KHDRBS2: variants seen among roughly 807,000 people sequenced by gnomAD.
KHDRBS2 encodes the protein KH RNA binding domain containing, signal transduction associated 2, also known as KH domain-containing, RNA-binding, signal transduction-associated protein 2.
A neutral mutation model predicts 44.3 loss-of-function variants in KHDRBS2; 26 were observed. The ratio of observed to expected loss-of-function variants is 0.59; its 90% confidence interval spans 0.43 to 0.81. KHDRBS2 has a LOEUF of 0.81. KHDRBS2 is among the 40% of genes least tolerant of loss of function. KHDRBS2 has a pLI of 0.00. For missense variants in KHDRBS2, 476 were observed against 433.1 expected, an observed-to-expected ratio of 1.10 and a Z score of -0.88; for synonymous variants, 194 against 151.1, an observed-to-expected ratio of 1.28 and a Z score of -2.08.
At chr6:61,565,613 G>A in the KHDRBS2 span, among the ~76,000 whole-genome samples, 1 of 152,032 alleles carries the variant, frequency 6.6e-6, no homozygotes, top group African/African-American at 2.4e-5. Flanking sequence ...TCCACAATGA[G>A]ATATTATTTT....
At chr6:62,216,483 A>G (rs1378857788) in intron 1 of KHDRBS2, among the ~76,000 whole-genome samples, 1 of 151,622 alleles carries the variant, frequency 6.6e-6, no homozygotes, top group East Asian at 1.9e-4. Flanking sequence ...ACCAATAGCT[A>G]CCTAAAGGTT....
At chr6:61,778,122 A>G (rs1562159181) in intron 6 of KHDRBS2, among the ~76,000 whole-genome samples, 4 of 152,278 alleles carry the variant, frequency 2.6e-5, no homozygotes, top group Admixed American at 2.0e-4. Context: ...TTTTAATCTT[A>G]TATCAGCCTT....
intron 4 of KHDRBS2, among the ~76,000 whole-genome samples, chr6:61,910,774 T>C (rs749851227): frequency 3.9e-5 from 6 of 152,204 alleles, no homozygotes; most frequent in African/African-American, 7.2e-5. Flanking sequence ...AAATTCAGGA[T>C]AGTAGATAAA....
chr6:62,029,674 C>G (rs1783990349), intron 3 of KHDRBS2, among the ~76,000 whole-genome samples: 1 of 151,594 alleles, frequency 6.6e-6, no homozygotes, highest in South Asian at 2.1e-4. Context: ...AAAGGAGAAA[C>G]AGATCAGAAA....
chr6:62,230,468 C>CT (rs1414756905), intron 1 of KHDRBS2, among the ~76,000 whole-genome samples: 1 of 152,102 alleles, frequency 6.6e-6, no homozygotes, highest in Admixed American at 6.6e-5. Context: ...GACCTTCCAT[C>CT]TTTTTAAACA....
At chr6:61,619,449 GTTT>G in the KHDRBS2 span, among the ~76,000 whole-genome samples, 2 of 151,752 alleles carry the variant, frequency 1.3e-5, no homozygotes, top group Admixed American at 6.6e-5. Context: ...TTGTTTGTTT[GTTT>G]GTTTGTTTGT....
chr6:61,666,987 C>CT, the KHDRBS2 span, among the ~76,000 whole-genome samples: 1 of 96,470 alleles, frequency 1.0e-5, no homozygotes, highest in South Asian at 3.8e-4. Context: ...CACAAACCTT[C>CT]TGGGTTTTTT....
the KHDRBS2 span, among the ~76,000 whole-genome samples, chr6:61,596,194 A>G: frequency 1.3e-5 from 2 of 152,184 alleles, no homozygotes; most frequent in African/African-American, 2.4e-5. Context: ...GCTTCAGGGG[A>G]GCCCAGCAGG....
intron 6 of KHDRBS2, among the ~76,000 whole-genome samples, chr6:61,824,619 G>GGAA (rs1258850380): frequency 2.0e-5 from 3 of 152,054 alleles, no homozygotes; most frequent in African/African-American, 7.2e-5. Context: ...ATTGGAACAT[G>GGAA]GAAAAACATG....
intron 6 of KHDRBS2, among the ~76,000 whole-genome samples, chr6:61,891,563 T>A (rs1801845815): frequency 6.6e-6 from 1 of 151,958 alleles, no homozygotes; most frequent in African/African-American, 2.4e-5. Context: ...TGTCTGGTCC[T>A]GGACTGTTTT....
chr6:61,922,814 C>T (rs1309451309), intron 4 of KHDRBS2, among the ~76,000 whole-genome samples: 1 of 152,058 alleles, frequency 6.6e-6, no homozygotes, highest in African/African-American at 2.4e-5. Context: ...AACTTAATGG[C>T]ATTCCAGAAT....
chr6:62,234,196 A>C (rs2150161465), intron 1 of KHDRBS2, among the ~76,000 whole-genome samples: 1 of 152,252 alleles, frequency 6.6e-6, no homozygotes, highest in Admixed American at 6.5e-5. Flanking sequence ...TCAAGGTAAA[A>C]ACATCTCCCA....
chr6:62,263,280 T>C (rs536928112), intron 1 of KHDRBS2, among the ~76,000 whole-genome samples: 97 of 150,918 alleles, frequency 6.4e-4, no homozygotes, highest in African/African-American at 2.2e-3. Flanking sequence ...CACCAAAGAA[T>C]ATGGAATATT....
chr6:61,566,402 C>A, the KHDRBS2 span, among the ~76,000 whole-genome samples: 1 of 152,070 alleles, frequency 6.6e-6, no homozygotes, highest in African/African-American at 2.4e-5. Context: ...TTGGAATGTT[C>A]CCAACACAAA....
intron 1 of KHDRBS2, 27 bp from the exon 2 acceptor site, chr6:62,177,339 A>T (rs564416866): frequency 6.4e-7 from 1 of 1,553,352 alleles, no homozygotes; most frequent in East Asian, 2.3e-5. Context: ...AGAAGAAAAC[A>T]AGTGAAATGA....
At chr6:61,613,498 T>G in the KHDRBS2 span, among the ~76,000 whole-genome samples, 14 of 152,162 alleles carry the variant, frequency 9.2e-5, no homozygotes, top group Admixed American at 1.3e-4. Context: ...CACATCCTAA[T>G]TATTATAGGA....
At chr6:62,101,617 C>T (rs79457358) in intron 2 of KHDRBS2, among the ~76,000 whole-genome samples, 3 of 152,156 alleles carry the variant, frequency 2.0e-5, no homozygotes, top group African/African-American at 7.2e-5. Flanking sequence ...GTAGAGCTAG[C>T]TGGATATACT....
chr6:61,548,063 T>C, the KHDRBS2 span, among the ~76,000 whole-genome samples: 1 of 152,104 alleles, frequency 6.6e-6, no homozygotes, highest in African/African-American at 2.4e-5. Flanking sequence ...TACACATCAA[T>C]ATTTTCAAGG....
At chr6:61,931,306 T>C (rs567927179) in intron 4 of KHDRBS2, among the ~76,000 whole-genome samples, 2 of 152,114 alleles carry the variant, frequency 1.3e-5, no homozygotes, top group African/African-American at 4.8e-5. Flanking sequence ...ACTGAAACTT[T>C]CAGGTAACTA....
Sources: gnomAD v4.1 joint callset for allele counts (sites outside exome capture counted in the v4.1 genomes callset) on GRCh38, gnomAD v4.1.1 for gene constraint, MANE v1.5 for transcripts, NCBI Gene and HGNC (gene_info 2026-07-23, HGNC 2026-07-21) for gene names.